The following GSE1 variants were observed in gnomAD, a reference collection of about 807,000 sequenced individuals.
GSE1 encodes Gse1 coiled-coil protein, also known as genetic suppressor element 1.
Under a neutral mutation model 112.6 loss-of-function variants are expected in GSE1, and 32 were observed. The observed-to-expected ratio is 0.28, with a 90% CI of 0.21 to 0.38. The LOEUF (loss-of-function observed/expected upper bound fraction) is 0.38. Ranked by LOEUF, GSE1 falls within the 10% of genes least tolerant of loss-of-function variation. The probability of loss-of-function intolerance (pLI) is 1.00; values close to 1 mark genes in which losing one functional copy is unlikely to be tolerated. For missense variants in GSE1, 2,348 were observed against 1,699.2 expected, an observed-to-expected ratio of 1.38 and a Z score of -6.71; for synonymous variants, 1,115 against 735.6, an observed-to-expected ratio of 1.52 and a Z score of -8.35.
chr16:85,196,612 G>A (rs944832124), intron 1 of GSE1, among the ~76,000 whole-genome samples: 4 of 152,062 alleles, frequency 2.6e-5, no homozygotes, highest in East Asian at 3.9e-4. Flanking sequence ...ATTGTTTCTC[G>A]ATGGGTGGAA....
chr16:85,475,709 A>G (rs1042421622), intron 2 of GSE1, among the ~76,000 whole-genome samples: 12 of 151,912 alleles, frequency 7.9e-5, no homozygotes, highest in African/African-American at 2.7e-4. Context: ...GAACTGGAGC[A>G]TCTTGCTTGT....
At chr16:85,331,701 ATATATATTTTTTTT>A (rs2046374472) in intron 1 of GSE1, among the ~76,000 whole-genome samples, 1 of 74,128 alleles carries the variant, frequency 1.3e-5, no homozygotes. Flanking sequence ...ATATATATAT[ATATATATTTTTTTT>A]TTTTTTTTTT....
At chr16:85,245,618 G>T (rs1352381863) in intron 1 of GSE1, among the ~76,000 whole-genome samples, 1 of 152,120 alleles carries the variant, frequency 6.6e-6, no homozygotes, top group Non-Finnish European at 1.5e-5. Context: ...GTTGAAAAGC[G>T]GTTACATTAA....
In GSE1 at chr16:85,672,314, G is replaced by C. The variant is rs376086999; in HGVS notation, c.3520-91G>C. 6.2e-4 allele frequency: 598 copies of C among 961,594 alleles called. 2 individuals are homozygous for C. The African/African-American group carries it at 8.3e-3, about 13-fold the overall frequency. The allele number at this position is 961,594 out of a possible 1,614,324, so 59.6% of individuals were successfully genotyped here. A position where few individuals can be genotyped will look rare whatever the true frequency, so the allele number is the denominator to read the frequency against. ...CCGGCCGGGACATTTTCAAATGTAGGTTTACCCTTCCATCCAGCATGTTTG... is the reference window on the plus strand; with the variant it reads ...CCGGCCGGGACATTTTCAAATGTAGCTTTACCCTTCCATCCAGCATGTTTG... On this transcript the variant is annotated intron_variant, in intron 15 of 15. Transcript: ENST00000253458.
chr16:85,625,458 C>G (rs974175221), intron 1 of GSE1, among the ~76,000 whole-genome samples: 32 of 152,192 alleles, frequency 2.1e-4, no homozygotes, highest in African/African-American at 7.2e-4. Context: ...GTCCTCAAAA[C>G]TGTAGTGTGG....
At chr16:85,332,172 C>T (rs568271598) in intron 1 of GSE1, among the ~76,000 whole-genome samples, 3 of 152,238 alleles carry the variant, frequency 2.0e-5, no homozygotes, top group Admixed American at 6.5e-5. Context: ...AGAGGTGACT[C>T]ATATGTAGAG....
At chr16:85,653,498 T>TC (rs2051619657) in intron 3 of GSE1, among the ~76,000 whole-genome samples, 1 of 151,050 alleles carries the variant, frequency 6.6e-6, no homozygotes, top group Non-Finnish European at 1.5e-5. Flanking sequence ...CACTGCCTCC[T>TC]CCTGCTTTGT....
intron 1 of GSE1, chr16:85,594,489 T>C (rs12929651): frequency 1 from 151,973 of 152,368 alleles, 75,789 homozygotes; most frequent in East Asian, 1. Flanking sequence ...CTCCTAGACT[T>C]CAGGAACGGT....
intron 2 of GSE1, among the ~76,000 whole-genome samples, chr16:85,516,943 G>A (rs1483729620): frequency 1.3e-5 from 2 of 152,050 alleles, no homozygotes; most frequent in African/African-American, 2.4e-5. Flanking sequence ...GACTACAGGC[G>A]CCTGTCACCA....
chr16:85,491,319 T>C (rs983764292), intron 2 of GSE1, among the ~76,000 whole-genome samples: 1 of 152,120 alleles, frequency 6.6e-6, no homozygotes, highest in Non-Finnish European at 1.5e-5. Flanking sequence ...GCACCTGGGG[T>C]GCCCTGGAGC....
chr16:85,451,886 C>A (rs73263138), intron 2 of GSE1, among the ~76,000 whole-genome samples: 8,038 of 152,268 alleles, frequency 0.053, 570 homozygotes, highest in African/African-American at 0.16. Flanking sequence ...ACACTGAAGC[C>A]CACAGTCACA....
At chr16:85,488,540 T>C (rs1421822604) in intron 2 of GSE1, among the ~76,000 whole-genome samples, 1 of 151,758 alleles carries the variant, frequency 6.6e-6, no homozygotes, top group Non-Finnish European at 1.5e-5. Context: ...CTGAACTGAC[T>C]GGTTACGAAA....
At chr16:85,594,790 A>G (rs1041855776) in intron 1 of GSE1, 1 of 152,308 alleles carries the variant, frequency 6.6e-6, no homozygotes, top group Non-Finnish European at 1.5e-5. Context: ...ACACAGGCCC[A>G]GTGTCTGTGG....
chr16:85,198,959 T>C (rs1166432510), intron 1 of GSE1, among the ~76,000 whole-genome samples: 2 of 151,822 alleles, frequency 1.3e-5, no homozygotes, highest in African/African-American at 2.4e-5. Flanking sequence ...TTTTTTTTTT[T>C]TGGGAGACGG....
At chr16:85,421,235 G>A (rs1339559213) in intron 2 of GSE1, among the ~76,000 whole-genome samples, 1 of 151,686 alleles carries the variant, frequency 6.6e-6, no homozygotes, top group African/African-American at 2.4e-5. Flanking sequence ...CCCCGCCAGC[G>A]ATTTGGGCCC....
At chr16:85,243,816 A>G (rs1477971503) in intron 1 of GSE1, among the ~76,000 whole-genome samples, 1 of 152,006 alleles carries the variant, frequency 6.6e-6, no homozygotes, top group Non-Finnish European at 1.5e-5. Context: ...AACTGTTTCT[A>G]CTGTTTGGCT....
chr16:85,198,927 C>A (rs963042981), intron 1 of GSE1, among the ~76,000 whole-genome samples: 3 of 151,518 alleles, frequency 2.0e-5, no homozygotes, highest in African/African-American at 7.3e-5. Context: ...TACAGGCATG[C>A]ACCACCACAC....
chr16:85,656,927 G>T (rs1326284779), intron 7 of GSE1, among the ~76,000 whole-genome samples: 1 of 152,238 alleles, frequency 6.6e-6, no homozygotes, highest in Non-Finnish European at 1.5e-5. Context: ...GTGCTTCGTT[G>T]ATTTTATTTC....
At chr16:85,218,361 A>G (rs2075338465) in intron 1 of GSE1, among the ~76,000 whole-genome samples, 1 of 152,116 alleles carries the variant, frequency 6.6e-6, no homozygotes, top group African/African-American at 2.4e-5. Flanking sequence ...CTGAGTCTTC[A>G]TGGCCTCATC....
Sources: gnomAD v4.1 joint callset for allele counts (sites outside exome capture counted in the v4.1 genomes callset) on GRCh38, gnomAD v4.1.1 for gene constraint, MANE v1.5 for transcripts, NCBI Gene and HGNC (gene_info 2026-07-23, HGNC 2026-07-21) for gene names.